The following POU6F2 variants were observed in gnomAD, a reference collection of about 807,000 sequenced individuals.
The protein encoded by POU6F2 is POU class 6 homeobox 2.
Under a neutral mutation model 71.3 loss-of-function variants are expected in POU6F2, and 31 were observed. That is an observed-to-expected ratio of 0.43 (90% CI 0.33 to 0.59). The LOEUF is 0.59. Among genes scored for constraint, POU6F2 ranks in the 20% least tolerant of loss-of-function variants. The probability of loss-of-function intolerance (pLI) is 0.04; values close to 1 mark genes in which losing one functional copy is unlikely to be tolerated. For missense variants in POU6F2, 783 were observed against 856.8 expected (o/e 0.91, Z 1.07); for synonymous variants, 347 against 355.7 (o/e 0.98, Z 0.27).
chr7:39,197,844 CACATACATATAGAGAT>C (rs1200100884), intron 2 of POU6F2, among the ~76,000 whole-genome samples: 3 of 152,228 alleles, frequency 2.0e-5, no homozygotes, highest in African/African-American at 7.2e-5. Context: ...CCACCATACA[CACATACATATAGAGAT>C]ACATACATAT....
rs148441333 is a variant in POU6F2 at position 39,006,624 on chromosome 7, T to C, written c.105+28566T>C. On this transcript the variant is annotated intron_variant, in intron 1 of 9. Transcript: ENST00000518318. ...CCCATGTAGCTCCACGGAAGATCTG[T>C]GGCTAAGTCAGAGTCAGAACCTAGT... 452 of 524,202 alleles carry C rather than the reference T, an allele frequency of 8.6e-4. 2 individuals carry two copies. The highest frequency in any genetic ancestry group is 7.8e-3 in the African/African-American group (409 of 52,214). 32.5% of individuals were successfully genotyped at this position (524,202 alleles called of 1,614,324 possible).
At chr7:39,254,304 C>T (rs900322568) in intron 4 of POU6F2, among the ~76,000 whole-genome samples, 16 of 151,984 alleles carry the variant, frequency 1.1e-4, no homozygotes, top group African/African-American at 2.2e-4. Flanking sequence ...ATTAAAATAC[C>T]GTCCCATCAG....
chr7:39,434,832 G>A (rs1487755596), intron 7 of POU6F2, among the ~76,000 whole-genome samples: 1 of 152,038 alleles, frequency 6.6e-6, no homozygotes, highest in Non-Finnish European at 1.5e-5. Flanking sequence ...CCCTCTCTGT[G>A]TCCATCTGTT....
rs372135458 is a variant in POU6F2 at position 39,185,541 on chromosome 7, A to G, written c.278-18694A>G. On this transcript the variant is annotated intron_variant, in intron 2 of 9. Coordinates refer to ENST00000518318, the MANE Select transcript of POU6F2 (RefSeq NM_001370959.1). ...TAAAAATAGAACCAGGTATTCCCAA[A>G]TATCTTCTCTTGATGGGGCAACTGG... Among the ~76,000 whole-genome samples the G allele has an allele frequency of 9.7e-4, 148 of 152,296 alleles. 2 individuals carry two copies. The South Asian group carries it at 0.022, about 22-fold the overall frequency.
intron 5 of POU6F2, among the ~76,000 whole-genome samples, chr7:39,400,114 AAGTTCTATCCCCATAGTC>A (rs1209154646): frequency 1.3e-5 from 2 of 152,096 alleles, no homozygotes. Flanking sequence ...GTGGGGCTGC[AAGTTCTATCCCCATAGTC>A]ACAGGGTTTG....
intron 6 of POU6F2, among the ~76,000 whole-genome samples, chr7:39,416,407 G>A (rs117544650): frequency 0.016 from 2,409 of 152,174 alleles, 31 homozygotes; most frequent in Middle Eastern, 0.031. Context: ...CTTCGTATGG[G>A]CACTCATCAA....
chr7:39,096,155 A>G (rs1435138535), intron 2 of POU6F2, among the ~76,000 whole-genome samples: 1 of 152,154 alleles, frequency 6.6e-6, no homozygotes, highest in Non-Finnish European at 1.5e-5. Context: ...CATTTGTAAT[A>G]CTGCTAATTT....
intron 4 of POU6F2, among the ~76,000 whole-genome samples, chr7:39,291,046 A>T (rs1784747830): frequency 6.6e-6 from 1 of 150,976 alleles, no homozygotes; most frequent in African/African-American, 2.4e-5. Context: ...GCACAAGTTT[A>T]CAGAACAAGG....
At chr7:39,125,333 C>A (rs1000010822) in intron 2 of POU6F2, among the ~76,000 whole-genome samples, 1 of 152,036 alleles carries the variant, frequency 6.6e-6, no homozygotes, top group Non-Finnish European at 1.5e-5. Context: ...AAATTAGATT[C>A]TCTGCTTTGA....
intron 1 of POU6F2, among the ~76,000 whole-genome samples, chr7:39,038,824 G>A (rs1369691913): frequency 6.6e-6 from 1 of 151,882 alleles, no homozygotes; most frequent in East Asian, 1.9e-4. Context: ...GCTGACTTTA[G>A]TTGTTTCTTT....
chr7:39,461,289 G>T (rs1462709822), intron 9 of POU6F2, among the ~76,000 whole-genome samples: 1 of 152,206 alleles, frequency 6.6e-6, no homozygotes, highest in African/African-American at 2.4e-5. Flanking sequence ...AAAGGGTAGT[G>T]AGAATCTGGC....
chr7:39,256,289 T>C (rs1353564376), intron 4 of POU6F2, among the ~76,000 whole-genome samples: 2 of 152,136 alleles, frequency 1.3e-5, no homozygotes, highest in African/African-American at 4.8e-5. Context: ...GGGTGGAATC[T>C]GGTGGGGCAA....
At chr7:39,028,342 C>T (rs909976638) in intron 1 of POU6F2, among the ~76,000 whole-genome samples, 4 of 152,060 alleles carry the variant, frequency 2.6e-5, no homozygotes, top group Non-Finnish European at 5.9e-5. Context: ...AATTTTAAAA[C>T]TATTTCATGT....
intron 4 of POU6F2, among the ~76,000 whole-genome samples, chr7:39,224,061 A>G (rs748138267): frequency 6.6e-6 from 1 of 152,186 alleles, no homozygotes; most frequent in Non-Finnish European, 1.5e-5. Flanking sequence ...TTTGACATTT[A>G]TATCATCTGT....
At chr7:39,093,731 G>C (rs956337541) in intron 2 of POU6F2, among the ~76,000 whole-genome samples, 1 of 152,068 alleles carries the variant, frequency 6.6e-6, no homozygotes, top group Non-Finnish European at 1.5e-5. Context: ...TATTAACACA[G>C]TGTTTTAAAA....
intron 2 of POU6F2, among the ~76,000 whole-genome samples, chr7:39,153,643 C>T (rs541703103): frequency 1.3e-5 from 2 of 152,258 alleles, no homozygotes; most frequent in South Asian, 4.1e-4. Context: ...TGAACAGATA[C>T]ACTGATTAAG....
chr7:39,268,658 T>C (rs1784292495), intron 4 of POU6F2, among the ~76,000 whole-genome samples: 1 of 152,226 alleles, frequency 6.6e-6, no homozygotes. Context: ...TTGACTGTCC[T>C]GCCAGACACT....
intron 4 of POU6F2, among the ~76,000 whole-genome samples, chr7:39,331,008 C>T (rs996309446): frequency 1.3e-5 from 2 of 152,204 alleles, no homozygotes; most frequent in Non-Finnish European, 2.9e-5. Flanking sequence ...TTAGATGCCA[C>T]ATATGAGTGA....
chr7:39,364,076 G>T (rs757411033), intron 5 of POU6F2, among the ~76,000 whole-genome samples: 1 of 152,116 alleles, frequency 6.6e-6, no homozygotes, highest in East Asian at 1.9e-4. Context: ...GGAAATTGAT[G>T]AAACAAATCA....
Sources: allele counts gnomAD v4.1 joint callset (sites outside exome capture counted in the v4.1 genomes callset), GRCh38; gene constraint gnomAD v4.1.1; transcripts MANE v1.5; gene names NCBI Gene and HGNC (gene_info 2026-07-23, HGNC 2026-07-21).